Variants in PHLDB2 observed in about 807,000 individuals in gnomAD.
PHLDB2 encodes pleckstrin homology-like domain family B member 2.
A neutral mutation model predicts 123.6 loss-of-function variants in PHLDB2; 71 were observed. The observed-to-expected ratio is 0.57, with a 90% CI of 0.47 to 0.70. PHLDB2 has a LOEUF of 0.70. PHLDB2 is among the 30% of genes least tolerant of loss of function. PHLDB2 has a pLI of 0.00. For missense variants in PHLDB2, 1,446 were observed against 1,519.5 expected, an observed-to-expected ratio of 0.95 and a Z score of 0.80; for synonymous variants, 547 against 541.6, an observed-to-expected ratio of 1.01 and a Z score of -0.14.
chr3:111,828,897 CTG>C (rs1171542728), intron 1 of PHLDB2, among the ~76,000 whole-genome samples: 1 of 152,186 alleles, frequency 6.6e-6, no homozygotes, highest in East Asian at 1.9e-4. Context: ...ATGCCACACA[CTG>C]TGTAGTATAA....
At chr3:111,796,139 C>T (rs1325984478) in intron 1 of PHLDB2, among the ~76,000 whole-genome samples, 3 of 152,162 alleles carry the variant, frequency 2.0e-5, no homozygotes, top group Non-Finnish European at 1.5e-5. Context: ...CCTCAGGTGT[C>T]TGCCTGACTC....
chr3:111,898,013 A>G (rs2066966774), intron 2 of PHLDB2, among the ~76,000 whole-genome samples: 1 of 152,220 alleles, frequency 6.6e-6, no homozygotes. Flanking sequence ...ATTTAAAAAT[A>G]CTTTATTGCT....
chr3:111,887,380 G>A (rs190082651), intron 2 of PHLDB2, among the ~76,000 whole-genome samples: 115 of 152,246 alleles, frequency 7.6e-4, no homozygotes, highest in African/African-American at 2.6e-3. Flanking sequence ...CTTGATCTTG[G>A]TTGCATGGTC....
chr3:111,771,890 T>C lies in PHLDB2; in HGVS notation c.-49+39187T>C, dbSNP rs577625676. Reference sequence around the variant, plus strand: ...AGTAAATGTTTCTTCTTAAATGGAATCTCCTAATTCAAAAATAGTCATTCT... The same window carrying C: ...AGTAAATGTTTCTTCTTAAATGGAACCTCCTAATTCAAAAATAGTCATTCT... On this transcript the variant is annotated intron_variant, in intron 1 of 17. Coordinates refer to the PHLDB2 transcript ENST00000393923. Among the ~76,000 whole-genome samples, 253 of 152,302 alleles carry C rather than the reference T, an allele frequency of 1.7e-3. 1 individual carries two copies. The highest frequency in any genetic ancestry group is 2.6e-3 in the Non-Finnish European group (180 of 68,020).
chr3:111,860,799 G>A (rs1489185410), intron 1 of PHLDB2, among the ~76,000 whole-genome samples: 1 of 152,206 alleles, frequency 6.6e-6, no homozygotes, highest in African/African-American at 2.4e-5. Context: ...GCTCTAAAGA[G>A]CTCTAGAATG....
chr3:111,763,707 G>A (rs2060032842), intron 1 of PHLDB2, among the ~76,000 whole-genome samples: 1 of 152,192 alleles, frequency 6.6e-6, no homozygotes, highest in South Asian at 2.1e-4. Flanking sequence ...TCGATCACGA[G>A]GACAAAGCCC....
intron 1 of PHLDB2, among the ~76,000 whole-genome samples, chr3:111,762,394 T>G (rs1312540197): frequency 6.6e-6 from 1 of 152,238 alleles, no homozygotes; most frequent in Non-Finnish European, 1.5e-5. Context: ...TGTAATGTTT[T>G]GACACTGTCA....
chr3:111,830,955 G>GAGAGAGAGAGAGAGAGAAAGAA (rs1553736315), intron 1 of PHLDB2, among the ~76,000 whole-genome samples: 2 of 63,678 alleles, frequency 3.1e-5, no homozygotes, highest in Non-Finnish European at 5.7e-5. Flanking sequence ...AAGAAAGAAA[G>GAGAGAGAGAGAGAGAGAAAGAA]AGAAAGAAAG....
intron 1 of PHLDB2, among the ~76,000 whole-genome samples, chr3:111,869,391 T>G (rs1449334912): frequency 6.6e-6 from 1 of 152,138 alleles, no homozygotes; most frequent in Admixed American, 6.5e-5. Flanking sequence ...TCTTTTGTTC[T>G]TTCCCTAATG....
intron 2 of PHLDB2, among the ~76,000 whole-genome samples, chr3:111,907,374 A>G (rs1228070389): frequency 6.6e-6 from 1 of 152,204 alleles, no homozygotes; most frequent in East Asian, 1.9e-4. Flanking sequence ...CAACACTTCC[A>G]TGTCCTTTTC....
At chr3:111,914,531 T>C (rs943117233) in intron 3 of PHLDB2, 6 of 152,204 alleles carry the variant, frequency 3.9e-5, no homozygotes, top group African/African-American at 1.4e-4. Flanking sequence ...TTTAATTTGC[T>C]TTTCTTTAAT....
intron 2 of PHLDB2, among the ~76,000 whole-genome samples, chr3:111,895,456 C>G (rs2107403511): frequency 6.6e-6 from 1 of 152,174 alleles, no homozygotes. Flanking sequence ...AATATATGAA[C>G]ACTTGTTTCT....
chr3:111,896,686 C>T (rs1329209542), intron 2 of PHLDB2, among the ~76,000 whole-genome samples: 1 of 151,940 alleles, frequency 6.6e-6, no homozygotes, highest in African/African-American at 2.4e-5. Context: ...AATTTCTCTT[C>T]CCCAGCTTGA....
In PHLDB2 at chr3:111,884,457, A is replaced by T. The variant is rs764867056; in HGVS notation, c.380A>T (p.Asp127Val). ...SLSGYPLGRA[D>V]FDHYTGRDSE... ...AGTGGATATCCACTTGGAAGAGCAG[A>T]CTTTGATCATTATACTGGCCGGGAC... Residue 127 changes from aspartate to valine, a missense_variant, in exon 2 of 18, where the codon GAC becomes GTC. Asp to Val is a radical substitution (Grantham distance 152). Around this residue, in one of 3 missense-constraint regions of PHLDB2, gnomAD observed 832 missense variants for 831.9 expected, o/e 1.00. Transcript: ENST00000431670. 5 of 1,614,150 alleles carry T rather than the reference A, an allele frequency of 3.1e-6. No individual in the cohort carries two copies. Among genetic ancestry groups the T allele is most frequent in the Non-Finnish European group, 4.2e-6 (5 of 1,180,032 alleles).
chr3:111,860,966 T>G (rs888983775), intron 1 of PHLDB2, among the ~76,000 whole-genome samples: 2 of 152,222 alleles, frequency 1.3e-5, no homozygotes, highest in South Asian at 4.1e-4. Flanking sequence ...ACGTGTAATT[T>G]TAAGCTTCCT....
At chr3:111,967,276 A>G (rs1240189260) in intron 14 of PHLDB2, among the ~76,000 whole-genome samples, 1 of 152,188 alleles carries the variant, frequency 6.6e-6, no homozygotes, top group African/African-American at 2.4e-5. Context: ...AACAACAGGA[A>G]TTAGAGGGAC....
At chr3:111,824,985 CCTCATCTG>C (rs2062587097) in intron 1 of PHLDB2, among the ~76,000 whole-genome samples, 2 of 152,114 alleles carry the variant, frequency 1.3e-5, no homozygotes, top group African/African-American at 4.8e-5. Flanking sequence ...CTCTTAATGG[CCTCATCTG>C]CTCACGTAAA....
At chr3:111,879,389 A>G (rs1477243773) in intron 1 of PHLDB2, among the ~76,000 whole-genome samples, 1 of 152,240 alleles carries the variant, frequency 6.6e-6, no homozygotes, top group African/African-American at 2.4e-5. Context: ...AATGAAGTAT[A>G]GAAATGATCC....
chr3:111,861,767 C>G (rs2064845492), intron 1 of PHLDB2, among the ~76,000 whole-genome samples: 1 of 152,150 alleles, frequency 6.6e-6, no homozygotes, highest in Admixed American at 6.5e-5. Flanking sequence ...TTTTATTTAC[C>G]ATGTGTGTTT....
Sources: allele counts gnomAD v4.1 joint callset (sites outside exome capture counted in the v4.1 genomes callset), GRCh38; gene constraint gnomAD v4.1.1; regional missense constraint gnomAD v4.1.1; transcripts MANE v1.5; gene names NCBI Gene and HGNC (gene_info 2026-07-23, HGNC 2026-07-21).